CACNA1C: variants seen among roughly 807,000 people sequenced by gnomAD.
CACNA1C encodes calcium voltage-gated channel subunit alpha1 C.
Under a neutral mutation model 229.0 loss-of-function variants are expected in CACNA1C, and 30 were observed. The ratio of observed to expected loss-of-function variants is 0.13; its 90% CI spans 0.10 to 0.18. CACNA1C has a LOEUF of 0.18. Ranked by LOEUF, CACNA1C falls within the 10% of genes least tolerant of loss-of-function variation. The pLI, the probability that CACNA1C is intolerant of heterozygous loss-of-function variation, is 1.00. For synonymous variants in CACNA1C, 1,114 were observed against 1,132.5 expected, an observed-to-expected ratio of 0.98 and a Z score of 0.33; for missense variants, 1,658 against 2,845.0, an observed-to-expected ratio of 0.58 and a Z score of 9.49.
chr12:2,052,601 G>T (rs973410142), upstream of CACNA1C, among the ~76,000 whole-genome samples: 2 of 144,608 alleles, frequency 1.4e-5, no homozygotes, highest in Admixed American at 1.4e-4. Flanking sequence ...GCGCGAGGGG[G>T]TGTGTCCGCG....
At chr12:2,440,192 C>T (rs929759653) in intron 3 of CACNA1C, among the ~76,000 whole-genome samples, 1 of 152,166 alleles carries the variant, frequency 6.6e-6, no homozygotes, top group Admixed American at 6.5e-5. Flanking sequence ...ATTAATCACA[C>T]CCACAATGTT....
At position 2,275,366 on chromosome 12, in the gene CACNA1C, C is replaced by T. The variant is rs543268294; in HGVS notation, c.477+154936C>T. Among the ~76,000 whole-genome samples the T allele has an allele frequency of 2.0e-5, 3 of 152,294 alleles. No individual in the cohort carries two copies. Among genetic ancestry groups the T allele is most frequent in the Admixed American group, 2.0e-4 (3 of 15,308 alleles). On this transcript the variant is annotated intron_variant, in intron 3 of 46. Transcript: ENST00000399655. This position sits in a 1 kb window ranked among gnomAD's most constrained non-coding sequence, Gnocchi z 4.1. ...CTCCTCACCATCACCCAACAGGGGA[C>T]AGTCCTGCTGGCTGTGTCTTCCCGG...
At chr12:2,381,584 T>C (rs1011283738) in intron 3 of CACNA1C, among the ~76,000 whole-genome samples, 2 of 152,136 alleles carry the variant, frequency 1.3e-5, no homozygotes, top group African/African-American at 2.4e-5. Context: ...TGCCTCCAGG[T>C]TTTCCTCGAT....
intron 1 of CACNA1C, among the ~76,000 whole-genome samples, chr12:1,975,506 C>T (rs11062037): frequency 0.12 from 17,514 of 151,880 alleles, 1,350 homozygotes; most frequent in Admixed American, 0.18. Context: ...GGTAGGGAAA[C>T]TAAAAGATGC....
intron 3 of CACNA1C, among the ~76,000 whole-genome samples, chr12:2,281,071 C>T (rs1303534402): frequency 6.6e-6 from 1 of 151,866 alleles, no homozygotes; most frequent in Admixed American, 6.6e-5. Flanking sequence ...AGTAACTCGT[C>T]ATTTAACATG....
intron 1 of CACNA1C, among the ~76,000 whole-genome samples, chr12:2,073,088 C>T (rs147148960): frequency 6.8e-4 from 103 of 152,318 alleles, no homozygotes; most frequent in African/African-American, 1.9e-3. Flanking sequence ...TTAAACCACA[C>T]TCGTTTGAGA....
chr12:2,651,901 C>G lies in CACNA1C; in HGVS notation c.4074+133C>G, dbSNP rs1306297930. 1 of 699,240 alleles carries G rather than the reference C, an allele frequency of 1.4e-6. No individual in the cohort carries two copies. Among genetic ancestry groups the G allele is most frequent in the Non-Finnish European group, 2.3e-6 (1 of 434,256 alleles). 43.3% of individuals were successfully genotyped at this position (699,240 alleles called of 1,614,324 possible). On this transcript the variant is annotated intron_variant, in intron 32 of 46. Transcript: ENST00000399655. This position sits in a 1 kb window ranked among gnomAD's most constrained non-coding sequence, Gnocchi z 5.4. Reference sequence around the variant, plus strand: ...CTCTGTGTGGCAGAACTCGGCCGCTCTGCCTGGCTCCCTGTTTCCGCACCG... The same window carrying G: ...CTCTGTGTGGCAGAACTCGGCCGCTGTGCCTGGCTCCCTGTTTCCGCACCG...
chr12:2,286,365 A>G (rs1037847353), intron 3 of CACNA1C, among the ~76,000 whole-genome samples: 8 of 152,212 alleles, frequency 5.3e-5, no homozygotes, highest in Admixed American at 2.0e-4. Context: ...AGTGGCTAGT[A>G]TTCCTAGAAC....
intron 3 of CACNA1C, among the ~76,000 whole-genome samples, chr12:2,202,318 TCTTA>T (rs768384361): frequency 2.0e-5 from 3 of 152,192 alleles, no homozygotes; most frequent in African/African-American, 7.2e-5. Flanking sequence ...GTGCACAGGC[TCTTA>T]CTTTGTGTCT....
In CACNA1C at chr12:2,159,634, C is replaced by T. The variant is rs1276188634; in HGVS notation, c.477+39204C>T. ...TTTTTTTTTTTTGAGATGGGAGTTT[C>T]GCTCTCATTGCCCAGGCTGGAGTGC... On this transcript the variant is annotated intron_variant, in intron 3 of 46. Coordinates refer to ENST00000399655, the MANE Select transcript of CACNA1C (RefSeq NM_000719.7). Among the ~76,000 whole-genome samples the T allele has an allele frequency of 7.2e-5, 9 of 125,054 alleles. No homozygotes were observed. The East Asian group carries it at 9.1e-4, about 13-fold the overall frequency. 82.0% of individuals were successfully genotyped at this position (125,054 alleles called of 152,430 possible).
chr12:2,530,659 G>A (rs759307997), intron 9 of CACNA1C, among the ~76,000 whole-genome samples: 21 of 152,208 alleles, frequency 1.4e-4, no homozygotes, highest in Admixed American at 3.9e-4. Flanking sequence ...ATTCAAGGGG[G>A]CACAAAAGGG....
chr12:2,325,867 A>G (rs1037420983), intron 3 of CACNA1C, among the ~76,000 whole-genome samples: 11 of 152,222 alleles, frequency 7.2e-5, no homozygotes, highest in Non-Finnish European at 1.3e-4. Flanking sequence ...AGGGAGGAAG[A>G]GGGGGACTGA....
At chr12:2,543,764 T>C (rs1568331139) in intron 9 of CACNA1C, among the ~76,000 whole-genome samples, 1 of 152,210 alleles carries the variant, frequency 6.6e-6, no homozygotes, top group Non-Finnish European at 1.5e-5. Flanking sequence ...ACTGCCAACT[T>C]GGCCCCCATG....
chr12:2,453,164 G>A (rs1168214941), intron 4 of CACNA1C, among the ~76,000 whole-genome samples: 3 of 152,142 alleles, frequency 2.0e-5, no homozygotes, highest in Non-Finnish European at 4.4e-5. Context: ...GACTAGAGGA[G>A]CCAGAACGCC....
intron 3 of CACNA1C, among the ~76,000 whole-genome samples, chr12:2,413,703 C>T (rs1428716015): frequency 5.3e-5 from 8 of 152,182 alleles, no homozygotes; most frequent in South Asian, 2.1e-4. Flanking sequence ...GTGAGACACA[C>T]GGGTCCCCAA....
chr12:2,411,889 G>A (rs1056097102), intron 3 of CACNA1C, among the ~76,000 whole-genome samples: 16 of 152,184 alleles, frequency 1.1e-4, no homozygotes, highest in African/African-American at 1.9e-4. Context: ...GAGAGAAGTC[G>A]GAGGCACAGG....
intron 3 of CACNA1C, among the ~76,000 whole-genome samples, chr12:2,409,280 C>G (rs2098777984): frequency 6.6e-6 from 1 of 152,212 alleles, no homozygotes; most frequent in Non-Finnish European, 1.5e-5. Context: ...CACTAATCAG[C>G]TGATCGTCTC....
In CACNA1C at chr12:2,319,238, A is replaced by G. The variant is rs2095846447; in HGVS notation, c.478-129738A>G. On this transcript the variant is annotated intron_variant, in intron 3 of 46. Transcript: ENST00000399655. This position sits in a 1 kb window ranked among gnomAD's most constrained non-coding sequence, Gnocchi z 4.0. The stretch of plus-strand genomic sequence containing the variant: ...GCAGTGTACATGATGAGCAGCTTAC[A>G]TGATGTGTAGTGTACATGGGGGCGG... Among the ~76,000 whole-genome samples, 1 of 151,974 alleles carries G rather than the reference A, an allele frequency of 6.6e-6. No homozygotes were observed. Among genetic ancestry groups the G allele is most frequent in the Non-Finnish European group, 1.5e-5 (1 of 67,948 alleles).
chr12:2,005,955 T>C (rs554373838), intron 1 of CACNA1C, among the ~76,000 whole-genome samples: 2 of 152,386 alleles, frequency 1.3e-5, no homozygotes, highest in Admixed American at 1.3e-4. Flanking sequence ...CCATCTCTTT[T>C]CCAACTACAT....
Sources: allele counts gnomAD v4.1 joint callset (sites outside exome capture counted in the v4.1 genomes callset), GRCh38; gene constraint gnomAD v4.1.1; non-coding constraint Gnocchi (gnomAD v3.1); transcripts MANE v1.5; gene names NCBI Gene and HGNC (gene_info 2026-07-23, HGNC 2026-07-21).